Variants in PTPA observed in about 807,000 individuals in gnomAD.
PTPA encodes the protein serine/threonine-protein phosphatase 2A activator.
A neutral mutation model predicts 43.6 loss-of-function variants in PTPA; 13 were observed. The ratio of observed to expected loss-of-function variants is 0.30; its 90% CI spans 0.19 to 0.47. PTPA has a LOEUF of 0.47. PTPA is among the 20% of genes least tolerant of loss of function. PTPA has a pLI of 0.99. For missense variants in PTPA, 329 were observed against 411.9 expected, an observed-to-expected ratio of 0.80 and a Z score of 1.74; for synonymous variants, 172 against 158.2, an observed-to-expected ratio of 1.09 and a Z score of -0.66.
upstream of PTPA, chr9:129,110,961 TGGAGGAGGAA>T (rs1013291931): frequency 7.3e-7 from 1 of 1,366,356 alleles, no homozygotes; most frequent in Admixed American, 1.9e-5. The surrounding 1 kb of genome is among the most constrained non-coding windows in gnomAD (Gnocchi z 5.3). Context: ...TTGAGACCTG[TGGAGGAGGAA>T]GGAGGAGGTC....
chr9:129,143,585 C>T (rs1015338390), intron 9 of PTPA: 6 of 630,642 alleles, frequency 9.5e-6, no homozygotes, highest in Non-Finnish European at 2.8e-6. Flanking sequence ...GTTGGCTTGG[C>T]TCCCTGCACT....
At chr9:129,146,089 G>T (rs1048683391) in intron 9 of PTPA, among the ~76,000 whole-genome samples, 2 of 144,444 alleles carry the variant, frequency 1.4e-5, no homozygotes, top group African/African-American at 5.1e-5. Context: ...ACCCCTTCTG[G>T]AATTCCAGGG....
chr9:129,143,772 C>T, intron 9 of PTPA: 2 of 226,216 alleles, frequency 8.8e-6, no homozygotes, highest in Non-Finnish European at 1.8e-5. Flanking sequence ...GCCTAGGTTC[C>T]TTCCGGCTGC....
rs989520400 is a variant in PTPA at position 129,123,451 on chromosome 9, G to A, written c.216+313G>A. On this transcript the variant is annotated intron_variant, in intron 3 of 9. Transcript: ENST00000393370. ...CGCGCCACTGCACTCCAGCCTGGGC[G>A]ACAGAGCGAGACTCTGTCTCAAAAA... Among the ~76,000 whole-genome samples, 39 of 149,210 alleles carry A rather than the reference G, an allele frequency of 2.6e-4. 1 individual carries two copies. Among genetic ancestry groups the A allele is most frequent in the African/African-American group, 9.9e-4 (39 of 39,416 alleles).
chr9:129,132,143 T>C (rs984085006), intron 5 of PTPA, among the ~76,000 whole-genome samples: 1 of 151,884 alleles, frequency 6.6e-6, no homozygotes, highest in Non-Finnish European at 1.5e-5. Flanking sequence ...ACCTGGACTT[T>C]GAGGAGAGGG....
rs752365618 is a variant in PTPA, at chr9:129,137,817, C to T, written c.786+125C>T. 7.2e-5 allele frequency: 65 copies of T among 906,752 alleles called. 1 individual carries two copies. Among genetic ancestry groups the T allele is most frequent in the Middle Eastern group, 2.2e-4 (1 of 4,450 alleles). 56.2% of individuals were successfully genotyped at this position (906,752 alleles called of 1,614,324 possible). A position where few individuals can be genotyped will look rare whatever the true frequency, so the allele number is the denominator to read the frequency against. On this transcript the variant is annotated intron_variant, in intron 8 of 9. Transcript: ENST00000393370. ...CCCAAAATGGCAGGGCCGGCCGGAG[C>T]GGGTTATTGAAAAGGAAGCACCACT...
chr9:129,143,532 G>C (rs1429479938), intron 9 of PTPA: 5 of 685,448 alleles, frequency 7.3e-6, no homozygotes, highest in Non-Finnish European at 1.3e-5. Context: ...CAACGGGGAA[G>C]GGTGCCAGAG....
At chr9:129,113,750 C>T (rs1848697019) in intron 1 of PTPA, among the ~76,000 whole-genome samples, 1 of 152,014 alleles carries the variant, frequency 6.6e-6, no homozygotes, top group Non-Finnish European at 1.5e-5. Context: ...AGCCACTGCA[C>T]CCCAGCCTGG....
At chr9:129,122,097 C>T (rs971166679) in intron 2 of PTPA, among the ~76,000 whole-genome samples, 4 of 151,994 alleles carry the variant, frequency 2.6e-5, no homozygotes, top group African/African-American at 9.7e-5. Flanking sequence ...TAGGGGCCTG[C>T]ACCTCAATGC....
At chr9:129,117,651 C>T (rs1037046251) in intron 1 of PTPA, among the ~76,000 whole-genome samples, 8 of 150,680 alleles carry the variant, frequency 5.3e-5, no homozygotes, top group South Asian at 2.1e-4. Flanking sequence ...GTGATCCACC[C>T]GCCTCGGATT....
Position 129,148,555 on chromosome 9 carries a change from C to T in PTPA, c.*1091C>T, listed in dbSNP as rs1021965560. The T allele has an allele frequency of 6.5e-6, 1 of 152,710 alleles. No homozygotes were observed. Among genetic ancestry groups the T allele is most frequent in the African/African-American group, 2.4e-5 (1 of 41,466 alleles). The allele number at this position is 152,710 out of a possible 1,614,324, so 9.5% of individuals were successfully genotyped here. On this transcript the variant is annotated 3_prime_UTR_variant, in exon 10 of 10. Transcript: ENST00000393370. ...AGCCTCCCAAGCCCAGGCTTTGGCA[C>T]TCAGAATGGGCCCAGTGGGGGCTGG...
At chr9:129,114,797 C>T (rs1848762057) in intron 1 of PTPA, among the ~76,000 whole-genome samples, 1 of 152,118 alleles carries the variant, frequency 6.6e-6, no homozygotes, top group African/African-American at 2.4e-5. Flanking sequence ...AGACTGTGGG[C>T]GTGACCTCAT....
At chr9:129,124,091 C>T (rs73627786) in intron 3 of PTPA, among the ~76,000 whole-genome samples, 9,762 of 152,324 alleles carry the variant, frequency 0.064, 1,005 homozygotes, top group African/African-American at 0.22. Context: ...GAGCTGATCT[C>T]TCCCTGTGTT....
intron 3 of PTPA, chr9:129,127,872 A>T: frequency 1.1e-6 from 1 of 871,460 alleles, no homozygotes; most frequent in Non-Finnish European, 1.7e-6. Context: ...CCAAACATTT[A>T]ACAGTGAGGA....
chr9:129,142,276 C>T (rs1308583150), intron 8 of PTPA, 169 bp from the exon 9 acceptor site: 11 of 545,400 alleles, frequency 2.0e-5, no homozygotes, highest in Admixed American at 7.5e-5. Flanking sequence ...TATGTTTGCC[C>T]CTCAGGCAGA....
chr9:129,131,544 C>T lies in PTPA; in HGVS notation c.365C>T (p.Thr122Ile). The change falls in exon 5 of 10, where the codon ACA (threonine) becomes ATA (isoleucine). Residue 122 changes from threonine to isoleucine, a missense_variant. By Grantham distance (89) the Thr-to-Ile change is moderately conservative. Transcript: ENST00000393370. ...LDEEAENLVA[T>I]VVPTHLAAAV... ...CAGGAAGCAGAAAACTTGGTGGCCA[C>T]AGTGGTCCCTACCCATCTGGCAGCT... is the stretch of plus-strand genomic sequence containing the variant. 6.2e-7 allele frequency: 1 copy of T among 1,613,872 alleles called. No homozygotes were observed.
chr9:129,143,315 G>T, intron 9 of PTPA: 2 of 703,070 alleles, frequency 2.8e-6, no homozygotes, highest in South Asian at 3.0e-5. Context: ...GGGAAGGGCT[G>T]GATGTGAAGT....
At chr9:129,132,233 G>A (rs1055545729) in intron 5 of PTPA, among the ~76,000 whole-genome samples, 17 of 152,306 alleles carry the variant, frequency 1.1e-4, no homozygotes, top group Non-Finnish European at 1.5e-4. Flanking sequence ...TGGAGGCTGA[G>A]GGGGAGGATT....
chr9:129,132,790 G>A (rs183696553), intron 5 of PTPA, among the ~76,000 whole-genome samples: 65 of 152,200 alleles, frequency 4.3e-4, no homozygotes, highest in South Asian at 2.9e-3. Flanking sequence ...GAGCCACTGC[G>A]CCCAGCTGAT....
Sources: allele counts gnomAD v4.1 joint callset (sites outside exome capture counted in the v4.1 genomes callset), GRCh38; gene constraint gnomAD v4.1.1; non-coding constraint Gnocchi (gnomAD v3.1); transcripts MANE v1.5; gene names NCBI Gene and HGNC (gene_info 2026-07-23, HGNC 2026-07-21).